KCND2: variants seen among roughly 807,000 people sequenced by gnomAD.
KCND2 encodes the protein A-type voltage-gated potassium channel KCND2.
In KCND2, 16 loss-of-function variants were observed where a neutral mutation model predicts 54.4. That is an observed-to-expected ratio of 0.29 (90% CI 0.20 to 0.45). KCND2 has a LOEUF of 0.45. Ranked by LOEUF, KCND2 falls within the 20% of genes least tolerant of loss-of-function variation. KCND2 has a pLI of 1.00. For missense variants in KCND2, 486 were observed against 824.2 expected (o/e 0.59, Z 5.02); for synonymous variants, 317 against 310.7 (o/e 1.02, Z -0.21).
At chr7:120,349,145 A>G (rs921652778) in intron 1 of KCND2, among the ~76,000 whole-genome samples, 1 of 152,114 alleles carries the variant, frequency 6.6e-6, no homozygotes, top group Admixed American at 6.6e-5. Context: ...CACTTTCTTA[A>G]TTCTACAAAG....
chr7:120,342,105 G>A (rs1800248236), intron 1 of KCND2, among the ~76,000 whole-genome samples: 1 of 152,118 alleles, frequency 6.6e-6, no homozygotes, highest in Admixed American at 6.5e-5. Flanking sequence ...GTAAACACAA[G>A]GTGTAATGAA....
At chr7:120,633,893 A>G (rs1793269615) in intron 1 of KCND2, among the ~76,000 whole-genome samples, 1 of 152,234 alleles carries the variant, frequency 6.6e-6, no homozygotes, top group Admixed American at 6.5e-5. Flanking sequence ...GAGAATATAT[A>G]CAATTTTAAG....
intron 1 of KCND2, among the ~76,000 whole-genome samples, chr7:120,632,036 TAATACCCC>T (rs1290761881): frequency 2.0e-5 from 3 of 152,304 alleles, no homozygotes; most frequent in African/African-American, 7.2e-5. Flanking sequence ...GTCATTACTC[TAATACCCC>T]AATTTCCTGG....
intron 1 of KCND2, among the ~76,000 whole-genome samples, chr7:120,488,701 T>C (rs972462514): frequency 1.3e-5 from 2 of 152,142 alleles, no homozygotes; most frequent in Non-Finnish European, 2.9e-5. Flanking sequence ...TATTATTCTT[T>C]TCTAGGGGTT....
At chr7:120,567,193 C>G (rs1295948492) in intron 1 of KCND2, among the ~76,000 whole-genome samples, 1 of 152,132 alleles carries the variant, frequency 6.6e-6, no homozygotes. Context: ...GAAATGATTG[C>G]TGTGTTTTTG....
chr7:120,319,419 A>G (rs2116327549), intron 1 of KCND2, among the ~76,000 whole-genome samples: 1 of 152,238 alleles, frequency 6.6e-6, no homozygotes, highest in South Asian at 2.1e-4. Flanking sequence ...CTATATTAGA[A>G]TAGACATTCT....
At chr7:120,714,622 C>T (rs1562918029) in intron 1 of KCND2, among the ~76,000 whole-genome samples, 1 of 152,048 alleles carries the variant, frequency 6.6e-6, no homozygotes. Context: ...TTACCTTCCC[C>T]TGGGGTGACA....
chr7:120,433,259 C>A (rs1801820098), intron 1 of KCND2, among the ~76,000 whole-genome samples: 1 of 152,186 alleles, frequency 6.6e-6, no homozygotes, highest in South Asian at 2.1e-4. Context: ...GGTGCCACGT[C>A]CCCTAGCTGT....
chr7:120,557,706 C>T (rs1380036893), intron 1 of KCND2, among the ~76,000 whole-genome samples: 1 of 152,082 alleles, frequency 6.6e-6, no homozygotes, highest in Non-Finnish European at 1.5e-5. Flanking sequence ...CAGGTCTCTC[C>T]ATCTGCAGTG....
chr7:120,546,288 C>T (rs58332446), intron 1 of KCND2, among the ~76,000 whole-genome samples: 3,813 of 151,852 alleles, frequency 0.025, 132 homozygotes, highest in African/African-American at 0.086. Context: ...GGAGTGGCAA[C>T]GTGGAGATAA....
chr7:120,412,725 A>C (rs1021162419), intron 1 of KCND2, among the ~76,000 whole-genome samples: 3 of 152,130 alleles, frequency 2.0e-5, no homozygotes, highest in Admixed American at 6.6e-5. Flanking sequence ...AATATATTCC[A>C]GAATGCTTTC....
chr7:120,275,816 T>TA, intron 1 of KCND2, 69 bp downstream of exon 1: 1 of 1,508,484 alleles, frequency 6.6e-7, no homozygotes, highest in Non-Finnish European at 9.1e-7. Flanking sequence ...CCATCGAGGT[T>TA]ACATGGTAAC....
At chr7:120,473,970 G>T (rs915532270) in intron 1 of KCND2, among the ~76,000 whole-genome samples, 11 of 152,118 alleles carry the variant, frequency 7.2e-5, no homozygotes, top group African/African-American at 2.7e-4. Flanking sequence ...GTTGCTGCTT[G>T]TCCTGTTGTC....
chr7:120,523,106 G>T (rs1791720146), intron 1 of KCND2, among the ~76,000 whole-genome samples: 1 of 152,070 alleles, frequency 6.6e-6, no homozygotes, highest in Non-Finnish European at 1.5e-5. Flanking sequence ...TTTGTAGAAG[G>T]TTACCACCTG....
intron 1 of KCND2, among the ~76,000 whole-genome samples, chr7:120,529,008 T>C (rs1791810882): frequency 2.0e-5 from 3 of 152,336 alleles, no homozygotes; most frequent in East Asian, 3.9e-4. Flanking sequence ...TTAAAAAATA[T>C]TTGGACAAAT....
chr7:120,573,693 G>A (rs982048704), intron 1 of KCND2, among the ~76,000 whole-genome samples: 5 of 151,976 alleles, frequency 3.3e-5, no homozygotes, highest in African/African-American at 1.2e-4. Flanking sequence ...ATGACAGTTT[G>A]GTAAATGCAA....
At chr7:120,636,931 C>G (rs571442262) in intron 1 of KCND2, among the ~76,000 whole-genome samples, 3 of 152,192 alleles carry the variant, frequency 2.0e-5, no homozygotes, top group Admixed American at 6.5e-5. Context: ...ACTTGCATAA[C>G]TATGAATGGG....
chr7:120,332,892 G>A (rs1459349862), intron 1 of KCND2, among the ~76,000 whole-genome samples: 1 of 152,016 alleles, frequency 6.6e-6, no homozygotes, highest in Non-Finnish European at 1.5e-5. Flanking sequence ...ACCTAGACAA[G>A]CCTTTTAAAT....
At chr7:120,345,864 A>G (rs946354441) in intron 1 of KCND2, among the ~76,000 whole-genome samples, 2 of 152,206 alleles carry the variant, frequency 1.3e-5, no homozygotes, top group African/African-American at 2.4e-5. Context: ...ATATACACAG[A>G]AGTTGAATTG....
Sources: gnomAD v4.1 joint callset for allele counts (sites outside exome capture counted in the v4.1 genomes callset) on GRCh38, gnomAD v4.1.1 for gene constraint, MANE v1.5 for transcripts, NCBI Gene and HGNC (gene_info 2026-07-23, HGNC 2026-07-21) for gene names.